LDB2: variants seen among roughly 807,000 people sequenced by gnomAD.
The protein encoded by LDB2 is LIM domain-binding protein 2.
A neutral mutation model predicts 44.3 loss-of-function variants in LDB2; 12 were observed. That is an observed-to-expected ratio of 0.27 (90% confidence interval 0.17 to 0.44). The LOEUF (loss-of-function observed/expected upper bound fraction) is 0.44. Ranked by LOEUF, LDB2 falls within the 20% of genes least tolerant of loss-of-function variation. LDB2 has a pLI of 1.00. For synonymous variants in LDB2, 164 were observed against 174.8 expected (o/e 0.94, Z 0.49); for missense variants, 344 against 473.5 (o/e 0.73, Z 2.54).
intron 2 of LDB2, among the ~76,000 whole-genome samples, chr4:16,737,372 G>T (rs1762100730): frequency 6.6e-6 from 1 of 151,980 alleles, no homozygotes; most frequent in African/African-American, 2.4e-5. Context: ...GAGGCTATAG[G>T]CATCAGCCCC....
At chr4:16,683,021 G>A (rs1230622474) in intron 2 of LDB2, among the ~76,000 whole-genome samples, 1 of 152,056 alleles carries the variant, frequency 6.6e-6, no homozygotes, top group Non-Finnish European at 1.5e-5. Context: ...AATCTCTCTG[G>A]TAAATTGCAC....
intron 2 of LDB2, among the ~76,000 whole-genome samples, chr4:16,692,947 G>C (rs1314537624): frequency 6.6e-6 from 1 of 152,208 alleles, no homozygotes; most frequent in African/African-American, 2.4e-5. Flanking sequence ...CCTTGAGGTA[G>C]AGATTATTAC....
In LDB2 at chr4:16,588,729, C is replaced by G. The variant is rs763230398; in HGVS notation, c.512G>C (p.Arg171Thr). The G allele has an allele frequency of 1.9e-6, 3 of 1,613,852 alleles. No homozygotes were observed. The highest frequency in any genetic ancestry group is 1.1e-5 in the South Asian group (1 of 91,000). Residue 171 changes from arginine to threonine, a missense_variant, in exon 4 of 8, where the codon AGA (arginine) becomes ACA (threonine). This residue lies in a region of LDB2 where 226 missense variants were observed against 270.1 expected (regional missense o/e 0.84). Coordinates refer to ENST00000304523, the MANE Select transcript of LDB2 (RefSeq NM_001290.5). ...ACTTACATGCATGGCTAGGATGCTT[C>G]TCGGGACTAACTCTCGGTATTGTCT... ...TIRQYRELVP[R>T]SILAMHAQDP...
intron 1 of LDB2, among the ~76,000 whole-genome samples, chr4:16,794,300 T>A (rs1176112295): frequency 6.6e-6 from 1 of 152,180 alleles, no homozygotes; most frequent in Non-Finnish European, 1.5e-5. Context: ...TCAGGGGGTA[T>A]CTTGGCTAAG....
chr4:16,674,328 A>G (rs1451902362), intron 2 of LDB2: 4 of 1,201,922 alleles, frequency 3.3e-6, no homozygotes, highest in Non-Finnish European at 4.4e-6. Context: ...AACTGCAGAA[A>G]GACAGTGCTC....
chr4:16,781,496 C>T (rs1345283109), intron 1 of LDB2, among the ~76,000 whole-genome samples: 1 of 152,098 alleles, frequency 6.6e-6, no homozygotes, highest in Non-Finnish European at 1.5e-5. Context: ...ACCAGCCAGC[C>T]ACTAACCTAC....
At chr4:16,520,733 G>A (rs1384423651) in intron 5 of LDB2, among the ~76,000 whole-genome samples, 1 of 152,132 alleles carries the variant, frequency 6.6e-6, no homozygotes, top group African/African-American at 2.4e-5. Context: ...GAGGCTGTTG[G>A]GAAGGAGGTC....
chr4:16,558,176 G>C (rs1381303599), intron 5 of LDB2, among the ~76,000 whole-genome samples: 1 of 152,216 alleles, frequency 6.6e-6, no homozygotes, highest in Non-Finnish European at 1.5e-5. Context: ...AAGGAACCCA[G>C]CTCCTCACCA....
chr4:16,785,731 G>A (rs946697753), intron 1 of LDB2, among the ~76,000 whole-genome samples: 3 of 152,012 alleles, frequency 2.0e-5, no homozygotes, highest in South Asian at 2.1e-4. Context: ...TGCTCCCCTC[G>A]ACCCACATCC....
chr4:16,640,543 T>C (rs1392153155), intron 2 of LDB2, among the ~76,000 whole-genome samples: 1 of 152,222 alleles, frequency 6.6e-6, no homozygotes, highest in East Asian at 1.9e-4. Flanking sequence ...AGGGAAAGAA[T>C]AGTAACAGCT....
intron 4 of LDB2, among the ~76,000 whole-genome samples, chr4:16,588,170 A>G (rs1256816764): frequency 6.6e-6 from 1 of 152,186 alleles, no homozygotes; most frequent in Non-Finnish European, 1.5e-5. Flanking sequence ...ATTTGTGCTC[A>G]ATAAATTTGA....
At chr4:16,775,627 G>A (rs1771722555) in intron 1 of LDB2, among the ~76,000 whole-genome samples, 1 of 152,140 alleles carries the variant, frequency 6.6e-6, no homozygotes, top group Non-Finnish European at 1.5e-5. Flanking sequence ...GGAAATGCAT[G>A]ATCCAATTAG....
At chr4:16,736,717 T>C (rs576905189) in intron 2 of LDB2, among the ~76,000 whole-genome samples, 26 of 152,322 alleles carry the variant, frequency 1.7e-4, no homozygotes, top group African/African-American at 6.3e-4. Context: ...TGACAGTCTA[T>C]TTTTCAATTT....
intron 1 of LDB2, among the ~76,000 whole-genome samples, chr4:16,837,821 G>A (rs1785145329): frequency 6.6e-6 from 1 of 152,226 alleles, no homozygotes; most frequent in Non-Finnish European, 1.5e-5. Flanking sequence ...GTTGTTTCAA[G>A]CACTAAACTT....
At chr4:16,796,180 G>A (rs1023223170) in intron 1 of LDB2, among the ~76,000 whole-genome samples, 1 of 152,110 alleles carries the variant, frequency 6.6e-6, no homozygotes, top group African/African-American at 2.4e-5. Flanking sequence ...AGCTACTGGG[G>A]AGGTTAAGGT....
chr4:16,788,604 G>C (rs887896212), intron 1 of LDB2, among the ~76,000 whole-genome samples: 8 of 152,336 alleles, frequency 5.3e-5, no homozygotes, highest in African/African-American at 1.9e-4. Context: ...ACCAGCTTCT[G>C]CCCTCTGCAG....
chr4:16,528,548 G>A (rs1255735697), intron 5 of LDB2, among the ~76,000 whole-genome samples: 2 of 152,190 alleles, frequency 1.3e-5, no homozygotes, highest in Non-Finnish European at 2.9e-5. Flanking sequence ...GGCCTCCTGA[G>A]AATGGAGAGA....
intron 5 of LDB2, among the ~76,000 whole-genome samples, chr4:16,523,520 T>A (rs968454143): frequency 2.0e-5 from 3 of 152,224 alleles, no homozygotes; most frequent in Admixed American, 6.5e-5. Flanking sequence ...AAGTAATGGT[T>A]ACTTGAACAC....
intron 1 of LDB2, among the ~76,000 whole-genome samples, chr4:16,866,771 C>T (rs1714842694): frequency 6.6e-6 from 1 of 152,220 alleles, no homozygotes; most frequent in Non-Finnish European, 1.5e-5. Context: ...AGACTATTAT[C>T]TCATTCCCTG....
Sources: allele counts gnomAD v4.1 joint callset (sites outside exome capture counted in the v4.1 genomes callset), GRCh38; gene constraint gnomAD v4.1.1; regional missense constraint gnomAD v4.1.1; transcripts MANE v1.5; gene names NCBI Gene and HGNC (gene_info 2026-07-23, HGNC 2026-07-21).